Variants in EPB41L2 observed in about 807,000 individuals in gnomAD.
EPB41L2 encodes the protein erythrocyte membrane protein band 4.1 like 2.
A neutral mutation model predicts 113.0 loss-of-function variants in EPB41L2; 43 were observed. The ratio of observed to expected loss-of-function variants is 0.38; its 90% CI spans 0.30 to 0.49. EPB41L2 has a LOEUF of 0.49. Among genes scored for constraint, EPB41L2 ranks in the 20% least tolerant of loss-of-function variants. The pLI is 0.95. For synonymous variants in EPB41L2, 442 were observed against 436.7 expected (o/e 1.01, Z -0.15); for missense variants, 1,147 against 1,223.4 (o/e 0.94, Z 0.93).
intron 1 of EPB41L2, among the ~76,000 whole-genome samples, chr6:130,958,505 A>G (rs925677742): frequency 8.7e-5 from 13 of 150,186 alleles, no homozygotes; most frequent in Admixed American, 8.6e-4. Context: ...GACTTAAGCC[A>G]GGTTAGGAGA....
chr6:130,879,906 A>G (rs1316553323), intron 13 of EPB41L2, among the ~76,000 whole-genome samples: 1 of 152,212 alleles, frequency 6.6e-6, no homozygotes, highest in Non-Finnish European at 1.5e-5. Flanking sequence ...AACTTGATTC[A>G]TTTGACTAAA....
rs34912861 is a variant in EPB41L2, at chr6:130,979,492, C to CAA, written c.-14-22995_-14-22994dup. Among the ~76,000 whole-genome samples the CAA allele has an allele frequency of 8.2e-3, 699 of 85,244 alleles. 15 individuals carry two copies. The highest frequency in any genetic ancestry group is 0.028 in the African/African-American group (636 of 22,352). The allele number at this position is 85,244 out of a possible 152,430, so 55.9% of individuals were successfully genotyped here. On this transcript the variant is annotated intron_variant, in intron 1 of 19. Transcript: ENST00000337057. ...CCTGGATGATGGAGCGAGACTCTGT[C>CAA]AAAAAAAAAAAAAAAAAAAAAGGAA... is the stretch of plus-strand genomic sequence containing the variant.
chr6:130,909,174 A>T (rs1442032308), intron 4 of EPB41L2, among the ~76,000 whole-genome samples: 2 of 152,236 alleles, frequency 1.3e-5, no homozygotes, highest in African/African-American at 4.8e-5. Context: ...TATTCTGTAG[A>T]ACTGCCAACA....
At chr6:130,953,649 T>G (rs561310585) in intron 3 of EPB41L2, among the ~76,000 whole-genome samples, 4 of 151,676 alleles carry the variant, frequency 2.6e-5, no homozygotes, top group Admixed American at 6.6e-5. Flanking sequence ...ACATGTACCC[T>G]AGAACTTAAA....
chr6:130,841,774 C>A (rs1279218035), intron 19 of EPB41L2, among the ~76,000 whole-genome samples: 1 of 152,132 alleles, frequency 6.6e-6, no homozygotes, highest in Non-Finnish European at 1.5e-5. Context: ...AAGCATTAGA[C>A]CTAGGGATAT....
chr6:131,015,743 TAC>T (rs1383797190), intron 1 of EPB41L2: 1 of 152,244 alleles, frequency 6.6e-6, no homozygotes, highest in Non-Finnish European at 1.5e-5. Flanking sequence ...ATATTTATTG[TAC>T]AGTTACTATA....
At chr6:131,027,622 G>T (rs1252172450) in intron 1 of EPB41L2, among the ~76,000 whole-genome samples, 1 of 152,192 alleles carries the variant, frequency 6.6e-6, no homozygotes, top group Non-Finnish European at 1.5e-5. Context: ...AACCGTCATA[G>T]CAATAGGGCT....
chr6:131,004,842 G>A (rs1486749979), intron 1 of EPB41L2, among the ~76,000 whole-genome samples: 6 of 152,276 alleles, frequency 3.9e-5, no homozygotes, highest in African/African-American at 7.2e-5. Flanking sequence ...GCCACCGAAT[G>A]TAGCCCTCCT....
At chr6:130,865,700 C>A in intron 16 of EPB41L2, 66 bp from the exon 17 acceptor site, 1 of 1,500,692 alleles carries the variant, frequency 6.7e-7, no homozygotes, top group South Asian at 1.2e-5. Flanking sequence ...AGAGAAGATC[C>A]CCGCCCCATC....
chr6:130,886,783 G>A (rs1407235004), intron 11 of EPB41L2, among the ~76,000 whole-genome samples: 9 of 151,930 alleles, frequency 5.9e-5, no homozygotes, highest in African/African-American at 2.2e-4. Flanking sequence ...ACAGGCACGC[G>A]CCACCACGCC....
chr6:131,015,841 T>TC (rs1788070136), intron 1 of EPB41L2: 1 of 152,032 alleles, frequency 6.6e-6, no homozygotes, highest in South Asian at 2.1e-4. Flanking sequence ...TATGTCTGCA[T>TC]CTGTAATTTG....
At position 130,956,345 on chromosome 6, in the gene EPB41L2, G is replaced by C; in HGVS notation, c.141C>G (p.Ser47=). Reference sequence around the variant, plus strand: ...GGCTTTCAGCTGCAGGAGGTGGCTGGGAACCTTTTTCCTCCTCTGGATCGG... The same window carrying C: ...GGCTTTCAGCTGCAGGAGGTGGCTGCGAACCTTTTTCCTCCTCTGGATCGG... ...QSSDPEEEKG[S]QPPPAAESQS... Residue 47 remains serine (S), a synonymous_variant, in exon 2 of 20, where the codon TCC becomes TCG. Coordinates refer to ENST00000337057, the MANE Select transcript of EPB41L2 (RefSeq NM_001431.4). 1 of 1,614,110 alleles carries C rather than the reference G, an allele frequency of 6.2e-7. No homozygotes were observed. The highest frequency in any genetic ancestry group is 8.5e-7 in the Non-Finnish European group (1 of 1,180,014).
At chr6:131,026,929 T>G (rs540925054) in intron 1 of EPB41L2, among the ~76,000 whole-genome samples, 1 of 152,314 alleles carries the variant, frequency 6.6e-6, no homozygotes, top group East Asian at 1.9e-4. Flanking sequence ...CTTCCCTTAC[T>G]ACATATTCCT....
At chr6:131,058,044 C>T (rs1797930882) in intron 1 of EPB41L2, among the ~76,000 whole-genome samples, 1 of 152,174 alleles carries the variant, frequency 6.6e-6, no homozygotes, top group African/African-American at 2.4e-5. Flanking sequence ...TCAATTTATT[C>T]CAGATTATTT....
intron 19 of EPB41L2, among the ~76,000 whole-genome samples, chr6:130,856,478 C>G (rs758788289): frequency 6.6e-6 from 1 of 152,122 alleles, no homozygotes; most frequent in Non-Finnish European, 1.5e-5. Context: ...TGGCTAATAA[C>G]CATATGAAAA....
intron 1 of EPB41L2, among the ~76,000 whole-genome samples, chr6:131,021,214 A>T (rs1280079561): frequency 2.0e-5 from 3 of 152,196 alleles, no homozygotes; most frequent in Non-Finnish European, 4.4e-5. Flanking sequence ...CATTTCAACA[A>T]ACATCATTTC....
intron 16 of EPB41L2, 55 bp downstream of exon 16, chr6:130,867,404 T>C (rs1784122904): frequency 3.2e-6 from 5 of 1,581,276 alleles, no homozygotes; most frequent in Non-Finnish European, 4.3e-6. Context: ...AATGAAAACA[T>C]AGATACACTA....
At position 130,941,462 on chromosome 6, in the gene EPB41L2, T is replaced by C. The variant is rs78628837; in HGVS notation, c.705+13643A>G. On this transcript the variant is annotated intron_variant, in intron 3 of 19. Coordinates refer to ENST00000337057, the MANE Select transcript of EPB41L2 (RefSeq NM_001431.4). ...AAAGTTGCTAAGCACCATATTTCCA[T>C]GAAAACTTATTTCAAAAACCATGAG... Among the ~76,000 whole-genome samples, 1,306 of 152,346 alleles carry C rather than the reference T, an allele frequency of 8.6e-3. 10 individuals are homozygous for C. The highest frequency in any genetic ancestry group is 0.021 in the South Asian group (101 of 4,832).
At chr6:130,858,355 C>T in intron 18 of EPB41L2, 112 bp from the exon 19 acceptor site, 2 of 717,178 alleles carry the variant, frequency 2.8e-6, no homozygotes, top group East Asian at 5.2e-5. Context: ...CCAAGAGGCA[C>T]TCACTTCTGT....
Sources: allele counts gnomAD v4.1 joint callset (sites outside exome capture counted in the v4.1 genomes callset), GRCh38; gene constraint gnomAD v4.1.1; transcripts MANE v1.5; gene names NCBI Gene and HGNC (gene_info 2026-07-23, HGNC 2026-07-21).